BRCA2: variants seen among roughly 807,000 people sequenced by gnomAD.
BRCA2 encodes the protein BRCA2 DNA repair associated, also known as breast cancer type 2 susceptibility protein.
BRCA2 carries 203 observed loss-of-function variants against 276.7 expected under a neutral mutation model. The observed-to-expected ratio is 0.73, with a 90% CI of 0.65 to 0.82. BRCA2 has a LOEUF of 0.82. Ranked by LOEUF, BRCA2 falls within the 40% of genes least tolerant of loss-of-function variation. The pLI is 0.00. For missense variants in BRCA2, 3,920 were observed against 3,915.0 expected (o/e 1.00, Z -0.03); for synonymous variants, 1,289 against 1,338.4 (o/e 0.96, Z 0.81).
At chr13:32,343,244 A>G (rs1445007969) in intron 11 of BRCA2, among the ~76,000 whole-genome samples, 1 of 152,144 alleles carries the variant, frequency 6.6e-6, no homozygotes, top group Non-Finnish European at 1.5e-5. Context: ...TCTGACTGGT[A>G]ATAATCTTAA....
At position 32,337,643 on chromosome 13, in the gene BRCA2, T is replaced by C. The variant is rs1060504622; in HGVS notation, c.3288T>C (p.Asp1096=). Residue 1096 remains aspartate, a synonymous_variant, in exon 11 of 27, where the codon GAT becomes GAC. Coordinates refer to ENST00000380152, the MANE Select transcript of BRCA2 (RefSeq NM_000059.4). ...CTCAGATGTTATTTTCCAAGCAGGA[T>C]TTTAATTCAAACCATAATTTAACAC... The part of the protein sequence containing the change: ...ITPQMLFSKQ[D]FNSNHNLTPS... The C allele has an allele frequency of 1.9e-6, 3 of 1,588,282 alleles. No homozygotes were observed. The highest frequency in any genetic ancestry group is 2.6e-6 in the Non-Finnish European group (3 of 1,168,876).
intron 16 of BRCA2, 117 bp from the exon 17 acceptor site, chr13:32,362,406 C>A: frequency 4.1e-6 from 4 of 967,586 alleles, no homozygotes. Flanking sequence ...CATATGAACT[C>A]ATAAAAACTT....
At chr13:32,354,540 GTGAA>G (rs1481100547) in intron 13 of BRCA2, among the ~76,000 whole-genome samples, 1 of 152,144 alleles carries the variant, frequency 6.6e-6, no homozygotes, top group Non-Finnish European at 1.5e-5. Context: ...AGGTGAAGAT[GTGAA>G]GGTGAGAGAA....
rs2137493262 is a variant in BRCA2, at chr13:32,337,460, A to G, written c.3105A>G (p.Glu1035=). The change falls in exon 11 of 27, where the codon GAA becomes GAG. Residue 1035 remains glutamate, a synonymous_variant. Coordinates refer to ENST00000380152, the MANE Select transcript of BRCA2 (RefSeq NM_000059.4). ...KKSKMFFKDI[E]EQYPTSLACV... ...GCAAAATGTTCTTCAAAGATATTGAAGAACAATATCCTACTAGTTTAGCTT... is the reference window on the plus strand; with the variant it reads ...GCAAAATGTTCTTCAAAGATATTGAGGAACAATATCCTACTAGTTTAGCTT... 1 of 1,612,566 alleles carries G rather than the reference A, an allele frequency of 6.2e-7. No individual in the cohort carries two copies. Among genetic ancestry groups the G allele is most frequent in the South Asian group, 1.1e-5 (1 of 90,788 alleles).
At position 32,332,548 on chromosome 13, in the gene BRCA2, A is replaced by C. The variant is rs587781399; in HGVS notation, c.1070A>C (p.Glu357Ala). 28 of 1,612,898 alleles carry C rather than the reference A, an allele frequency of 1.7e-5. No individual in the cohort carries two copies. The South Asian group carries it at 3.0e-4, about 17-fold the overall frequency. ...QVKEKYSFVSEVEPNDTDPLD... is the reference protein window; with the variant it reads ...QVKEKYSFVSAVEPNDTDPLD... ...AAAGAAAAATACTCATTTGTATCTG[A>C]AGTGGAACCAAATGATACTGATCCA... The change falls in exon 10 of 27, where the codon GAA becomes GCA. Residue 357 changes from glutamate (E) to alanine (A), a missense_variant. This residue lies in a region of BRCA2 where 3,263 missense variants were observed against 3,156.9 expected (regional missense o/e 1.03). Coordinates refer to ENST00000380152, the MANE Select transcript of BRCA2 (RefSeq NM_000059.4).
intron 13 of BRCA2, among the ~76,000 whole-genome samples, chr13:32,353,727 A>C (rs549434842): frequency 1.3e-5 from 2 of 152,378 alleles, no homozygotes; most frequent in African/African-American, 4.8e-5. Context: ...CGAACGGATA[A>C]CTAAAGGAAC....
chr13:32,389,347 C>A (rs2072982026), intron 24 of BRCA2, among the ~76,000 whole-genome samples: 1 of 152,110 alleles, frequency 6.6e-6, no homozygotes, highest in Non-Finnish European at 1.5e-5. Flanking sequence ...CGTATATGTC[C>A]ATTTCTCAAA....
chr13:32,363,630 A>G, intron 18 of BRCA2, 97 bp downstream of exon 18: 1 of 1,088,882 alleles, frequency 9.2e-7, no homozygotes, highest in Non-Finnish European at 1.3e-6. Flanking sequence ...AAGGATGCTC[A>G]ATTTCTTAGA....
chr13:32,369,068 A>G (rs998128267), intron 18 of BRCA2, among the ~76,000 whole-genome samples: 1 of 151,944 alleles, frequency 6.6e-6, no homozygotes, highest in Non-Finnish European at 1.5e-5. Flanking sequence ...TCGGCCTCCC[A>G]AAGTGTTGGG....
Position 32,337,339 on chromosome 13 carries a change from G to T in BRCA2, c.2984G>T (p.Gly995Val). ...AATGATTACATGAACAAATGGGCAG[G>T]ACTCTTAGGTCCAATTTCAAATCAC... ...KNNDYMNKWA[G>V]LLGPISNHSF... Residue 995 changes from glycine to valine, a missense_variant, in exon 11 of 27, where the codon GGA (glycine) becomes GTA (valine). By Grantham distance (109) the Gly-to-Val change is moderately radical. Coordinates refer to ENST00000380152, the MANE Select transcript of BRCA2 (RefSeq NM_000059.4). 1 of 1,613,710 alleles carries T rather than the reference G, an allele frequency of 6.2e-7. No homozygotes were observed. Among genetic ancestry groups the T allele is most frequent in the Non-Finnish European group, 8.5e-7 (1 of 1,179,892 alleles).
chr13:32,394,324 G>A (rs2073018281), intron 24 of BRCA2, among the ~76,000 whole-genome samples: 1 of 152,186 alleles, frequency 6.6e-6, no homozygotes, highest in African/African-American at 2.4e-5. Context: ...TATCTTCAGA[G>A]AGGAGTACAA....
rs142243359 is a variant in BRCA2 at position 32,336,629 on chromosome 13, T to C, written c.2274T>C (p.Ser758=). ...YSDTDFQSQK[S]LLYDHENAST... ...ATACTGACTTTCAATCCCAGAAAAG[T>C]CTTTTATATGATCATGAAAATGCCA... Residue 758 remains serine (S), a synonymous_variant, in exon 11 of 27, where the codon AGT becomes AGC. Transcript: ENST00000380152. 5.0e-6 allele frequency: 8 copies of C among 1,614,104 alleles called. No homozygotes were observed. In the South Asian group the frequency reaches 8.8e-5, roughly 18 times the overall value.
chr13:32,332,700 A>G lies in BRCA2; in HGVS notation c.1222A>G (p.Met408Val), dbSNP rs1566223036. The G allele has an allele frequency of 1.9e-6, 3 of 1,613,912 alleles. No homozygotes were observed. The highest frequency in any genetic ancestry group is 1.1e-5 in the South Asian group (1 of 91,020). Residue 408 changes from methionine to valine, a missense_variant, in exon 10 of 27, where the codon ATG (methionine) becomes GTG (valine). Coordinates refer to ENST00000380152, the MANE Select transcript of BRCA2 (RefSeq NM_000059.4). ...CCTTTCAGGTCTAAATGGAGCCCAG[A>G]TGGAGAAAATACCCCTATTGCATAT... ...LTLSGLNGAQ[M>V]EKIPLLHISS...
In BRCA2 at chr13:32,363,509, A is replaced by C. The variant is rs1351192625; in HGVS notation, c.8307A>C (p.Glu2769Asp). ...CTCCTGATGCCTGTACACCTCTTGAAGCCCCAGAATCTCTTATGTTAAAGG... is the reference window on the plus strand; with the variant it reads ...CTCCTGATGCCTGTACACCTCTTGACGCCCCAGAATCTCTTATGTTAAAGG... ...VGSPDACTPL[E>D]APESLMLKIS... The change falls in exon 18 of 27, where the codon GAA becomes GAC. Residue 2769 changes from glutamate to aspartate, a missense_variant. Around this residue, in one of 2 missense-constraint regions of BRCA2, gnomAD observed 3,263 missense variants for 3,156.9 expected, o/e 1.03. Coordinates refer to ENST00000380152, the MANE Select transcript of BRCA2 (RefSeq NM_000059.4). The C allele has an allele frequency of 6.2e-7, 1 of 1,613,900 alleles. No homozygotes were observed. The highest frequency in any genetic ancestry group is 1.1e-5 in the South Asian group (1 of 91,046).
rs569810626 is a variant in BRCA2, at chr13:32,397,751, A to C, written c.9649-411A>C. The stretch of plus-strand genomic sequence containing the variant: ...GATGAGGAGACTGTGGCATAGAGAG[A>C]GGTTAAGCAATTGCCTAATAAGGTC... On this transcript the variant is annotated intron_variant, in intron 26 of 26. Coordinates refer to ENST00000380152, the MANE Select transcript of BRCA2 (RefSeq NM_000059.4). Among the ~76,000 whole-genome samples the C allele has an allele frequency of 2.6e-5, 4 of 152,268 alleles. No homozygotes were observed. The East Asian group carries it at 7.7e-4, about 29-fold the overall frequency.
chr13:32,333,222 A>G lies in BRCA2; in HGVS notation c.1744A>G (p.Thr582Ala), dbSNP rs80358457. 5 of 1,613,026 alleles carry G rather than the reference A, an allele frequency of 3.1e-6. No homozygotes were observed. The highest frequency in any genetic ancestry group is 1.3e-5 in the African/African-American group (1 of 74,994). Residue 582 changes from threonine to alanine, a missense_variant, in exon 10 of 27, where the codon ACT becomes GCT. Physicochemically the swap from Thr to Ala is moderately conservative, Grantham distance 58. This residue lies in a region of BRCA2 where 3,263 missense variants were observed against 3,156.9 expected (regional missense o/e 1.03). Coordinates refer to ENST00000380152, the MANE Select transcript of BRCA2 (RefSeq NM_000059.4). Reference sequence around the variant, plus strand: ...TTTGAAGAATGCAGGTTTAATATCCACTTTGAAAAAGAAAACAAATAAGTT... The same window carrying G: ...TTTGAAGAATGCAGGTTTAATATCCGCTTTGAAAAAGAAAACAAATAAGTT... ...VALKNAGLISTLKKKTNKFIY... is the reference protein window; with the variant it reads ...VALKNAGLISALKKKTNKFIY...
rs80359520 is a variant in BRCA2, at chr13:32,339,928, CAATT to C, written c.5576_5579del (p.Ile1859LysfsTer3). On this transcript the variant is annotated frameshift_variant, in exon 11 of 27. Coordinates refer to ENST00000380152, the MANE Select transcript of BRCA2 (RefSeq NM_000059.4). LOFTEE classifies it high-confidence loss of function. The stretch of plus-strand genomic sequence containing the variant: ...AAAATCGTTTGTGTTTCACATGAAA[CAATT>C]AAAAAAGTGAAAGACATATTTACAG... 30 of 1,605,350 alleles carry C rather than the reference CAATT, an allele frequency of 1.9e-5. No homozygotes were observed. The highest frequency in any genetic ancestry group is 1.6e-4 in the East Asian group (7 of 44,790).
Position 32,380,142 on chromosome 13 carries a change from A to C in BRCA2, c.9253A>C (p.Thr3085Pro), listed in dbSNP as rs397507423. Residue 3085 changes from threonine to proline, a missense_variant, in exon 24 of 27, where the codon ACA becomes CCA. By Grantham distance (38) the Thr-to-Pro change is conservative. This residue lies in a region of BRCA2 where 657 missense variants were observed against 758.2 expected (regional missense o/e 0.87). Coordinates refer to ENST00000380152, the MANE Select transcript of BRCA2 (RefSeq NM_000059.4). Reference sequence around the variant, plus strand: ...ATTTGTCGTTTCTGTTGTGAAAAAAACAGGTAATGCACAATATAGTTAATT... The same window carrying C: ...ATTTGTCGTTTCTGTTGTGAAAAAACCAGGTAATGCACAATATAGTTAATT... ...IGFVVSVVKK[T>P]GLAPFVYLSD... 6.8e-6 allele frequency: 11 copies of C among 1,612,668 alleles called. No homozygotes were observed. In the Admixed American group the frequency reaches 1.8e-4, roughly 27 times the overall value.
intron 3 of BRCA2, among the ~76,000 whole-genome samples, chr13:32,322,657 A>C (rs1320333776): frequency 6.6e-6 from 1 of 152,224 alleles, no homozygotes; most frequent in Non-Finnish European, 1.5e-5. Flanking sequence ...TGTCATGGCC[A>C]TCACGAACAT....
Sources: gnomAD v4.1 joint callset for allele counts (sites outside exome capture counted in the v4.1 genomes callset) on GRCh38, gnomAD v4.1.1 for gene constraint, gnomAD v4.1.1 regional missense constraint, MANE v1.5 for transcripts, NCBI Gene and HGNC (gene_info 2026-07-23, HGNC 2026-07-21) for gene names.